The following BCAT2 variants were observed in gnomAD, a reference collection of about 807,000 sequenced individuals.
BCAT2 encodes branched-chain-amino-acid aminotransferase, mitochondrial.
BCAT2 carries 44 observed loss-of-function variants against 52.9 expected under a neutral mutation model. That is an observed-to-expected ratio of 0.83 (90% confidence interval 0.65 to 1.07). BCAT2 has a LOEUF of 1.07. Ranked by LOEUF, BCAT2 falls within the 50% of genes least tolerant of loss-of-function variation. The probability of loss-of-function intolerance (pLI) is 0.00; values close to 1 mark genes in which losing one functional copy is unlikely to be tolerated. For missense variants in BCAT2, 478 were observed against 521.8 expected, an observed-to-expected ratio of 0.92 and a Z score of 0.82; for synonymous variants, 215 against 217.1, an observed-to-expected ratio of 0.99 and a Z score of 0.08.
Position 48,807,333 on chromosome 19 carries a change from C to A in BCAT2, c.25-259G>T. Reference sequence around the variant, plus strand: ...AAAGTCAAACGCAAGCGCCTCCCACCCCAGAGACCTTTGGTCGCAGCCTGG... The same window carrying A: ...AAAGTCAAACGCAAGCGCCTCCCACACCAGAGACCTTTGGTCGCAGCCTGG... On this transcript the variant is annotated intron_variant, in intron 1 of 10. Coordinates refer to ENST00000316273, the MANE Select transcript of BCAT2 (RefSeq NM_001190.4). The surrounding 1 kb of genome is among the most constrained non-coding windows in gnomAD (Gnocchi z 4.6). 2.5e-6 allele frequency: 1 copy of A among 405,324 alleles called. No homozygotes were observed. The highest frequency in any genetic ancestry group is 4.5e-6 in the Non-Finnish European group (1 of 222,780). The allele number at this position is 405,324 out of a possible 1,614,324, so 25.1% of individuals were successfully genotyped here.
chr19:48,799,816 G>T lies in BCAT2; in HGVS notation c.554C>A (p.Pro185His). Residue 185 changes from proline (P) to histidine (H), a missense_variant, in exon 6 of 11, where the codon CCC becomes CAC. By Grantham distance (77) the Pro-to-His change is moderately conservative. Coordinates refer to ENST00000316273, the MANE Select transcript of BCAT2 (RefSeq NM_001190.4). This position sits in a 1 kb window ranked among gnomAD's most constrained non-coding sequence, Gnocchi z 5.5. ...GNEPSLGVSQPTRALLFVILC... is the reference protein window; with the variant it reads ...GNEPSLGVSQHTRALLFVILC... The stretch of plus-strand genomic sequence containing the variant: ...AATGACGAACAGGAGCGCGCGCGTG[G>T]GCTGGCTGACACCCAGCGAGGGCTG... The T allele has an allele frequency of 6.4e-7, 1 of 1,558,556 alleles. No individual in the cohort carries two copies. The highest frequency in any genetic ancestry group is 2.4e-5 in the East Asian group (1 of 41,722).
At chr19:48,801,793 C>T (rs980605771) in intron 3 of BCAT2, among the ~76,000 whole-genome samples, 2 of 152,018 alleles carry the variant, frequency 1.3e-5, no homozygotes, top group African/African-American at 2.4e-5. Context: ...CCTACAACCA[C>T]GCCCGGCTAA....
chr19:48,810,753 T>TTTTC, intron 1 of BCAT2: 2 of 984,610 alleles, frequency 2.0e-6, no homozygotes. Flanking sequence ...TTTTTTTTTT[T>TTTTC]ACCTCCCCGC....
chr19:48,797,847 G>C (rs1439235257), intron 6 of BCAT2, among the ~76,000 whole-genome samples: 1 of 123,878 alleles, frequency 8.1e-6, no homozygotes, highest in Non-Finnish European at 1.7e-5. Context: ...GTCTTGCTCT[G>C]TCGCCCAGGC....
At chr19:48,803,686 A>G (rs1438352157) in intron 3 of BCAT2, among the ~76,000 whole-genome samples, 2 of 152,172 alleles carry the variant, frequency 1.3e-5, no homozygotes, top group African/African-American at 4.8e-5. Flanking sequence ...CATCCCTATT[A>G]TTTAAAGATA....
intron 3 of BCAT2, among the ~76,000 whole-genome samples, chr19:48,802,773 G>A (rs1177889265): frequency 6.6e-6 from 1 of 152,070 alleles, no homozygotes; most frequent in African/African-American, 2.4e-5. Flanking sequence ...TTGCAAAATT[G>A]TTTATAATAG....
intron 1 of BCAT2, chr19:48,810,736 CT>C (rs35945446): frequency 0.21 from 153,533 of 716,112 alleles, 2,152 homozygotes; most frequent in African/African-American, 0.24. Context: ...CCATGTTTCC[CT>C]TTTTTTTTTT....
At chr19:48,809,109 G>A (rs1006485135) in intron 1 of BCAT2, among the ~76,000 whole-genome samples, 1 of 144,222 alleles carries the variant, frequency 6.9e-6, no homozygotes, top group African/African-American at 2.6e-5. Context: ...CCAGCATGGT[G>A]GCTCATGCCT....
At chr19:48,800,142 C>T (rs752942897) in intron 4 of BCAT2, 42 bp from the exon 5 acceptor site, 4 of 1,612,556 alleles carry the variant, frequency 2.5e-6, no homozygotes, top group African/African-American at 1.3e-5. Flanking sequence ...CTTGCTGCCC[C>T]GGCCCCAGCC....
rs4802505 is a variant in BCAT2 at position 48,799,029 on chromosome 19, A to G, written c.695+646T>C. 0.14 allele frequency: 21,932 copies of G among 152,222 alleles called. 2,076 individuals carry two copies. The highest frequency in any genetic ancestry group is 0.21 in the Non-Finnish European group (14,570 of 68,060). The allele number at this position is 152,222 out of a possible 1,614,324, so 9.4% of individuals were successfully genotyped here. A position where few individuals can be genotyped will look rare whatever the true frequency, so the allele number is the denominator to read the frequency against. On this transcript the variant is annotated intron_variant, in intron 6 of 10. Coordinates refer to ENST00000316273, the MANE Select transcript of BCAT2 (RefSeq NM_001190.4). The surrounding 1 kb of genome is among the most constrained non-coding windows in gnomAD (Gnocchi z 5.5). The stretch of plus-strand genomic sequence containing the variant: ...CCCACCAGCCTGGGAGACCCAGGAG[A>G]GCAGGGCTCGGGGCTGACTCATCTG...
Position 48,807,833 on chromosome 19 carries a change from G to C in BCAT2, c.25-759C>G. Reference sequence around the variant, plus strand: ...GCTGAGGGGCAGCTACAGGGGCCTGGGGAGCCACTGCAGTCCTCACTGCAT... The same window carrying C: ...GCTGAGGGGCAGCTACAGGGGCCTGCGGAGCCACTGCAGTCCTCACTGCAT... On this transcript the variant is annotated intron_variant, in intron 1 of 10. Transcript: ENST00000316273. This position sits in a 1 kb window ranked among gnomAD's most constrained non-coding sequence, Gnocchi z 4.6. The C allele has an allele frequency of 5.1e-6, 5 of 985,678 alleles. No homozygotes were observed. Among genetic ancestry groups the C allele is most frequent in the Non-Finnish European group, 4.8e-6 (4 of 830,048 alleles). The allele number at this position is 985,678 out of a possible 1,614,324, so 61.1% of individuals were successfully genotyped here. A position where few individuals can be genotyped will look rare whatever the true frequency, so the allele number is the denominator to read the frequency against.
chr19:48,806,630 C>A lies in BCAT2; in HGVS notation c.187G>T (p.Asp63Tyr). ...TTCCATTCCACCATCAGCATGTGGTCGGTAAATGTCTTCCCAAACACCAGG... is the reference window on the plus strand; with the variant it reads ...TTCCATTCCACCATCAGCATGTGGTAGGTAAATGTCTTCCCAAACACCAGG... ...EPLVFGKTFT[D>Y]HMLMVEWNDK... The change falls in exon 3 of 11, where the codon GAC becomes TAC. Residue 63 changes from aspartate (D) to tyrosine (Y), a missense_variant. Transcript: ENST00000316273. 1 of 1,614,118 alleles carries A rather than the reference C, an allele frequency of 6.2e-7. No individual in the cohort carries two copies. Among genetic ancestry groups the A allele is most frequent in the South Asian group, 1.1e-5 (1 of 91,056 alleles).
Position 48,806,534 on chromosome 19 carries a change from G to T in BCAT2, c.283C>A (p.Leu95Ile). The change falls in exon 3 of 11, where the codon CTC becomes ATC. Residue 95 changes from leucine to isoleucine, a missense_variant. Leu to Ile is a conservative substitution (Grantham distance 5). Transcript: ENST00000316273. ...CATGCCACCTGCAGGGAGTAGTGGA[G>T]GCTGGAGGAGGCTGGGTGCAGCGTG... ...NLTLHPASSSLHYSLQLFEGM... is the reference protein window; with the variant it reads ...NLTLHPASSSIHYSLQLFEGM... 1 of 1,614,002 alleles carries T rather than the reference G, an allele frequency of 6.2e-7. No individual in the cohort carries two copies. Among genetic ancestry groups the T allele is most frequent in the African/African-American group, 1.3e-5 (1 of 75,062 alleles).
intron 6 of BCAT2, 93 bp from the exon 7 acceptor site, chr19:48,797,426 C>A: frequency 6.7e-7 from 1 of 1,484,124 alleles, no homozygotes; most frequent in Non-Finnish European, 9.2e-7. Context: ...TCTCCCGTCT[C>A]CCTGCTCACA....
In BCAT2 at chr19:48,795,289, TG is replaced by T; in HGVS notation, c.*136del. ...CGGCTTTGGGAGTGTCGCAACCACATGGGGGCGCCAGAGACCCAGACGCCGC... is the reference window on the plus strand; with the variant it reads ...CGGCTTTGGGAGTGTCGCAACCACATGGGGCGCCAGAGACCCAGACGCCGC... On this transcript the variant is annotated 3_prime_UTR_variant, in exon 11 of 11. Coordinates refer to ENST00000316273, the MANE Select transcript of BCAT2 (RefSeq NM_001190.4). 5 of 1,167,520 alleles carry T rather than the reference TG, an allele frequency of 4.3e-6. No individual in the cohort carries two copies. The highest frequency in any genetic ancestry group is 1.3e-5 in the South Asian group (1 of 74,780). 72.3% of individuals were successfully genotyped at this position (1,167,520 alleles called of 1,614,324 possible).
intron 1 of BCAT2, among the ~76,000 whole-genome samples, chr19:48,809,510 G>A (rs957864465): frequency 1.1e-4 from 17 of 151,662 alleles, no homozygotes; most frequent in African/African-American, 3.6e-4. Context: ...ACCCCATCAC[G>A]TCTAGAACTG....
chr19:48,807,229 G>T lies in BCAT2; in HGVS notation c.25-155C>A. 1.6e-6 allele frequency: 1 copy of T among 637,366 alleles called. No homozygotes were observed. The highest frequency in any genetic ancestry group is 2.7e-6 in the Non-Finnish European group (1 of 373,518). The allele number at this position is 637,366 out of a possible 1,614,324, so 39.5% of individuals were successfully genotyped here. On this transcript the variant is annotated intron_variant, in intron 1 of 10. Coordinates refer to ENST00000316273, the MANE Select transcript of BCAT2 (RefSeq NM_001190.4). This position sits in a 1 kb window ranked among gnomAD's most constrained non-coding sequence, Gnocchi z 4.6. Reference sequence around the variant, plus strand: ...GACGGGGCAGGTGGTCCTGAAGGAGGCCAAGTCCCCTCCCTGCCCTGACGA... The same window carrying T: ...GACGGGGCAGGTGGTCCTGAAGGAGTCCAAGTCCCCTCCCTGCCCTGACGA...
chr19:48,796,702 A>G lies in BCAT2; in HGVS notation c.941T>C (p.Val314Ala). The G allele has an allele frequency of 5.0e-6, 8 of 1,612,012 alleles. No individual in the cohort carries two copies. Among genetic ancestry groups the G allele is most frequent in the Non-Finnish European group, 6.8e-6 (8 of 1,179,574 alleles). Residue 314 changes from valine to alanine, a missense_variant, in exon 9 of 11, where the codon GTG becomes GCG. Transcript: ENST00000316273. ...CTGCTTCATGGTGATCGTGCGCTCC[A>G]CCACCCGGAACTCACCCTGCAGGGC... ...MAQTWGEFRV[V>A]ERTITMKQLL...
Position 48,807,570 on chromosome 19 carries a change from C to T in BCAT2, c.25-496G>A. On this transcript the variant is annotated intron_variant, in intron 1 of 10. Transcript: ENST00000316273. The surrounding 1 kb of genome is among the most constrained non-coding windows in gnomAD (Gnocchi z 4.6). ...CTCCCTCAGACCCGAAGTCTGGGCC[C>T]CCAGCCCCTCCTCCCTCAGACCCTG... 2.5e-6 allele frequency: 1 copy of T among 396,294 alleles called. No homozygotes were observed. The highest frequency in any genetic ancestry group is 3.5e-6 in the Non-Finnish European group (1 of 289,618). 24.5% of individuals were successfully genotyped at this position (396,294 alleles called of 1,614,324 possible).
Sources: allele counts gnomAD v4.1 joint callset (sites outside exome capture counted in the v4.1 genomes callset), GRCh38; gene constraint gnomAD v4.1.1; non-coding constraint Gnocchi (gnomAD v3.1); transcripts MANE v1.5; gene names NCBI Gene and HGNC (gene_info 2026-07-23, HGNC 2026-07-21).